The following FRAS1 variants were observed in gnomAD, a reference collection of about 807,000 sequenced individuals.
FRAS1 encodes Fraser extracellular matrix complex subunit 1.
Under a neutral mutation model 435.2 loss-of-function variants are expected in FRAS1, and 290 were observed. The observed-to-expected ratio is 0.67, with a 90% CI of 0.61 to 0.73. The LOEUF is 0.73. FRAS1 is among the 30% of genes least tolerant of loss of function. The pLI is 0.00. For synonymous variants in FRAS1, 1,800 were observed against 1,851.0 expected (o/e 0.97, Z 0.71); for missense variants, 4,860 against 5,001.5 (o/e 0.97, Z 0.85).
intron 9 of FRAS1, among the ~76,000 whole-genome samples, chr4:78,270,374 C>G (rs558035133): frequency 3.3e-5 from 5 of 152,264 alleles, no homozygotes; most frequent in Non-Finnish European, 5.9e-5. Context: ...ATTGGACTAA[C>G]TAACCTGCTC....
intron 12 of FRAS1, among the ~76,000 whole-genome samples, chr4:78,283,522 G>T (rs1333959191): frequency 1.3e-5 from 2 of 152,190 alleles, no homozygotes; most frequent in Non-Finnish European, 2.9e-5. Context: ...ATAATTGTTG[G>T]CAGGCACTGG....
Position 78,338,270 on chromosome 4 carries a change from A to AT in FRAS1, c.2422+463dup, listed in dbSNP as rs374262040. 9.9e-3 allele frequency among the ~76,000 whole-genome samples: 1,483 copies of AT among 149,976 alleles called. 8 individuals are homozygous for AT. Among genetic ancestry groups the AT allele is most frequent in the Non-Finnish European group, 0.014 (925 of 67,380 alleles). ...TAGATCAGTTGCCTTAGGAGATGGG[A>AT]TTTTTTTTTTCTTCCTCATTTTAGA... On this transcript the variant is annotated intron_variant, in intron 20 of 73. Coordinates refer to ENST00000512123, the MANE Select transcript of FRAS1 (RefSeq NM_025074.7).
At chr4:78,208,172 C>T (rs897739536) in intron 2 of FRAS1, among the ~76,000 whole-genome samples, 1 of 152,116 alleles carries the variant, frequency 6.6e-6, no homozygotes, top group Non-Finnish European at 1.5e-5. Context: ...ACCAACTGGG[C>T]GGGTAGACCC....
At chr4:78,498,914 T>C (rs1023431210) in intron 60 of FRAS1, among the ~76,000 whole-genome samples, 1 of 151,952 alleles carries the variant, frequency 6.6e-6, no homozygotes, top group African/African-American at 2.4e-5. Context: ...GTGGGGCAAT[T>C]ATGGCTCACT....
In FRAS1 at chr4:78,505,007, A is replaced by C. The variant is rs538079333; in HGVS notation, c.9317-2414A>C. ...GAAGCTTAGTTTGGCTGGATATGAA[A>C]TTCTGGTTTGAAAAATTCTTTTCTT... On this transcript the variant is annotated intron_variant, in intron 61 of 73. Coordinates refer to ENST00000512123, the MANE Select transcript of FRAS1 (RefSeq NM_025074.7). Among the ~76,000 whole-genome samples the C allele has an allele frequency of 7.9e-5, 12 of 152,324 alleles. No homozygotes were observed. In the East Asian group the frequency reaches 2.3e-3, roughly 29 times the overall value.
intron 2 of FRAS1, among the ~76,000 whole-genome samples, chr4:78,144,451 AGT>A (rs144059150): frequency 0.089 from 12,969 of 146,254 alleles, 670 homozygotes; most frequent in African/African-American, 0.15. Context: ...TTTTAAAATA[AGT>A]GTGTGTGTGT....
intron 25 of FRAS1, among the ~76,000 whole-genome samples, chr4:78,375,325 T>C (rs1731713448): frequency 6.6e-6 from 1 of 152,242 alleles, no homozygotes; most frequent in Admixed American, 6.5e-5. Flanking sequence ...AACAATTATT[T>C]GCACTAGGTG....
chr4:78,281,711 C>T (rs184928145), intron 11 of FRAS1, among the ~76,000 whole-genome samples: 26 of 152,132 alleles, frequency 1.7e-4, no homozygotes, highest in African/African-American at 6.0e-4. Context: ...TTTTTCTCTC[C>T]CTGATTCTTT....
intron 18 of FRAS1, among the ~76,000 whole-genome samples, chr4:78,320,044 C>T (rs1456186787): frequency 6.6e-6 from 1 of 152,232 alleles, no homozygotes; most frequent in East Asian, 1.9e-4. Context: ...TAAAGCCCTC[C>T]TGCTCCGTGG....
chr4:78,188,803 C>A (rs575972365), intron 2 of FRAS1, among the ~76,000 whole-genome samples: 8 of 152,222 alleles, frequency 5.3e-5, no homozygotes, highest in African/African-American at 1.9e-4. Flanking sequence ...TCACCAATAC[C>A]ATAATCACTG....
chr4:78,265,428 C>G (rs1369951023), intron 7 of FRAS1, among the ~76,000 whole-genome samples: 1 of 152,122 alleles, frequency 6.6e-6, no homozygotes, highest in African/African-American at 2.4e-5. Flanking sequence ...AGCTTTGAGG[C>G]TCTGTGGATG....
intron 2 of FRAS1, among the ~76,000 whole-genome samples, chr4:78,115,597 AT>A (rs1241991418): frequency 6.6e-6 from 1 of 151,766 alleles, no homozygotes; most frequent in Non-Finnish European, 1.5e-5. Context: ...TTTCTTCTAG[AT>A]TTTCTAGTTT....
intron 2 of FRAS1, among the ~76,000 whole-genome samples, chr4:78,236,519 G>C (rs1228249934): frequency 6.6e-6 from 1 of 152,098 alleles, no homozygotes; most frequent in African/African-American, 2.4e-5. Context: ...CAGTATGGCT[G>C]CTTTCAACTC....
intron 2 of FRAS1, among the ~76,000 whole-genome samples, chr4:78,099,005 C>G (rs969985591): frequency 1.3e-5 from 2 of 152,208 alleles, no homozygotes; most frequent in Non-Finnish European, 2.9e-5. Flanking sequence ...CTCCTGCTCC[C>G]AAAATCAGCC....
chr4:78,317,509 G>C lies in FRAS1; in HGVS notation c.1960+1G>C. On this transcript the variant is annotated splice_donor_variant, in intron 17 of 73. Transcript: ENST00000512123. LOFTEE classifies it high-confidence loss of function. ...TACTCTGACCATGGAGTCTGCAAAG[G>C]TATCGTTGGTGTCACCATCATTCTT... The C allele has an allele frequency of 6.2e-7, 1 of 1,610,486 alleles. No homozygotes were observed.
At chr4:78,111,539 G>C (rs1742693865) in intron 2 of FRAS1, among the ~76,000 whole-genome samples, 1 of 80,592 alleles carries the variant, frequency 1.2e-5, no homozygotes, top group African/African-American at 5.0e-5. Context: ...ACTCATAGGT[G>C]GGAATTGAAC....
intron 53 of FRAS1, 141 bp downstream of exon 53, chr4:78,473,738 T>G (rs1719781318): frequency 3.4e-6 from 2 of 582,118 alleles, no homozygotes; most frequent in South Asian, 6.0e-5. Context: ...AGTAATAATT[T>G]CACCAAATAT....
In FRAS1 at chr4:78,200,606, G is replaced by A. The variant is rs546515878; in HGVS notation, c.109-36904G>A. ...GGATTGATGCAACACTGATGTGATC[G>A]ATCTATTCAAGAAAGTAAAATATCC... On this transcript the variant is annotated intron_variant, in intron 2 of 73. Transcript: ENST00000512123. Among the ~76,000 whole-genome samples the A allele has an allele frequency of 4.6e-5, 7 of 151,854 alleles. 1 individual carries two copies. The highest frequency in any genetic ancestry group is 1.2e-4 in the African/African-American group (5 of 41,458).
chr4:78,515,519 C>T (rs372983846), intron 65 of FRAS1, among the ~76,000 whole-genome samples: 10 of 152,172 alleles, frequency 6.6e-5, no homozygotes, highest in South Asian at 2.1e-4. Flanking sequence ...CAAGTTCTGC[C>T]GCCTTCATTC....
Sources: allele counts gnomAD v4.1 joint callset (sites outside exome capture counted in the v4.1 genomes callset), GRCh38; gene constraint gnomAD v4.1.1; transcripts MANE v1.5; gene names NCBI Gene and HGNC (gene_info 2026-07-23, HGNC 2026-07-21).